The following TRPC4 variants were observed in gnomAD, a reference collection of about 807,000 sequenced individuals.
The protein encoded by TRPC4 is transient receptor potential cation channel subfamily C member 4.
In TRPC4, 49 loss-of-function variants were observed where a neutral mutation model predicts 99.4. The observed-to-expected ratio is 0.49, with a 90% CI of 0.39 to 0.63. The LOEUF (loss-of-function observed/expected upper bound fraction) is 0.63. Ranked by LOEUF, TRPC4 falls within the 20% of genes least tolerant of loss-of-function variation. The pLI is 0.00. For synonymous variants in TRPC4, 454 were observed against 425.9 expected (o/e 1.07, Z -0.81); for missense variants, 898 against 1,152.9 (o/e 0.78, Z 3.20).
Position 37,674,314 on chromosome 13 carries a change from T to C in TRPC4, c.1288A>G (p.Ile430Val). 6.2e-7 allele frequency: 1 copy of C among 1,608,750 alleles called. No individual in the cohort carries two copies. The highest frequency in any genetic ancestry group is 8.5e-7 in the Non-Finnish European group (1 of 1,178,578). The stretch of plus-strand genomic sequence containing the variant: ...TCCATTAGATTCCACCAATCATGGA[T>C]GTAGTCCTGAAGTCCGCCATCCCAC... ...QMWDGGLQDYIHDWWNLMDFV... is the reference protein window; with the variant it reads ...QMWDGGLQDYVHDWWNLMDFV... Residue 430 changes from isoleucine to valine, a missense_variant, in exon 5 of 11, where the codon ATC becomes GTC. Ile to Val is a conservative substitution (Grantham distance 29, BLOSUM62 3). This residue lies in a region of TRPC4 where 274 missense variants were observed against 454.9 expected (regional missense o/e 0.60). Transcript: ENST00000379705.
chr13:37,656,710 C>T (rs1015322848), intron 6 of TRPC4, among the ~76,000 whole-genome samples: 9 of 152,150 alleles, frequency 5.9e-5, no homozygotes, highest in African/African-American at 1.9e-4. Context: ...GAGTCAGAGT[C>T]ACTGGAATGA....
intron 1 of TRPC4, among the ~76,000 whole-genome samples, chr13:37,803,982 T>G (rs767724807): frequency 2.5e-4 from 38 of 152,226 alleles, no homozygotes; most frequent in Admixed American, 2.0e-4. Context: ...AGATTTAAGA[T>G]TTTCTACCTA....
chr13:37,821,365 A>C (rs1194287964), intron 1 of TRPC4, among the ~76,000 whole-genome samples: 1 of 152,176 alleles, frequency 6.6e-6, no homozygotes, highest in Admixed American at 6.6e-5. Context: ...GGAATAATCA[A>C]TATTGTTAAA....
intron 2 of TRPC4, among the ~76,000 whole-genome samples, chr13:37,763,771 A>G (rs1483328860): frequency 6.6e-6 from 1 of 151,766 alleles, no homozygotes; most frequent in African/African-American, 2.4e-5. Flanking sequence ...AAGTAACATC[A>G]CAAAGGATGA....
intron 1 of TRPC4, among the ~76,000 whole-genome samples, chr13:37,785,380 C>A (rs1274172991): frequency 6.6e-6 from 1 of 152,000 alleles, no homozygotes; most frequent in Non-Finnish European, 1.5e-5. Flanking sequence ...GACTGACATC[C>A]AAAAGTTTCA....
In TRPC4 at chr13:37,869,635, A is replaced by G. The variant is rs1169124622; in HGVS notation, c.-68T>C. ...CTTCGGGCTGAAGTGATGGGATCCG[A>G]GGACTGACGGCGCGGGTGCCGTGCG... On this transcript the variant is annotated 5_prime_UTR_variant, in exon 1 of 11. Coordinates refer to ENST00000379705, the MANE Select transcript of TRPC4 (RefSeq NM_016179.4). 1 of 152,408 alleles carries G rather than the reference A, an allele frequency of 6.6e-6. No homozygotes were observed. The highest frequency in any genetic ancestry group is 2.4e-5 in the African/African-American group (1 of 41,440). 9.4% of individuals were successfully genotyped at this position (152,408 alleles called of 1,614,324 possible).
intron 8 of TRPC4, among the ~76,000 whole-genome samples, chr13:37,649,574 A>G (rs905364095): frequency 2.6e-5 from 4 of 151,830 alleles, no homozygotes; most frequent in Non-Finnish European, 5.9e-5. Context: ...CTCTACTAAA[A>G]ATACAAAAAA....
intron 5 of TRPC4, among the ~76,000 whole-genome samples, chr13:37,670,395 C>T (rs993491219): frequency 1.5e-4 from 23 of 152,232 alleles, no homozygotes; most frequent in Admixed American, 8.5e-4. Context: ...CCAAAAGGAC[C>T]TATGAATGGA....
Position 37,657,415 on chromosome 13 carries a change from T to A in TRPC4, c.1689-2132A>T, listed in dbSNP as rs141823042. Among the ~76,000 whole-genome samples, 697 of 152,348 alleles carry A rather than the reference T, an allele frequency of 4.6e-3. 5 individuals carry two copies. Among genetic ancestry groups the A allele is most frequent in the African/African-American group, 0.016 (671 of 41,578 alleles). On this transcript the variant is annotated intron_variant, in intron 6 of 10. Coordinates refer to ENST00000379705, the MANE Select transcript of TRPC4 (RefSeq NM_016179.4). ...CTCAGGAAAAAGTAAATTTGGCCCA[T>A]GGCCATGAATTCTTTATTTTTAGTA...
intron 1 of TRPC4, among the ~76,000 whole-genome samples, chr13:37,793,694 G>T (rs1233498853): frequency 6.6e-6 from 1 of 152,038 alleles, no homozygotes; most frequent in African/African-American, 2.4e-5. Context: ...AAAAGTTATT[G>T]TGTGCCATGT....
At chr13:37,724,107 T>C (rs1179405855) in intron 3 of TRPC4, among the ~76,000 whole-genome samples, 1 of 152,106 alleles carries the variant, frequency 6.6e-6, no homozygotes, top group Non-Finnish European at 1.5e-5. Flanking sequence ...ATATATCACT[T>C]CAAAATAATA....
chr13:37,777,402 T>C (rs1404360026), intron 2 of TRPC4, among the ~76,000 whole-genome samples: 4 of 151,806 alleles, frequency 2.6e-5, no homozygotes, highest in Admixed American at 2.6e-4. Context: ...CTACACACTT[T>C]CAAACAACCA....
rs536020684 is a variant in TRPC4 at position 37,819,550 on chromosome 13, T to C, written c.-27-36190A>G. 1.2e-4 allele frequency among the ~76,000 whole-genome samples: 19 copies of C among 152,068 alleles called. No individual in the cohort carries two copies. In the East Asian group the frequency reaches 3.7e-3, roughly 29 times the overall value. On this transcript the variant is annotated intron_variant, in intron 1 of 10. Coordinates refer to ENST00000379705, the MANE Select transcript of TRPC4 (RefSeq NM_016179.4). ...ATGGATGGGGCTGGAGGCCATTATC[T>C]TTAGCAAACTAACGCAGGAACAGGA...
chr13:37,824,103 G>A (rs1958121129), intron 1 of TRPC4, among the ~76,000 whole-genome samples: 1 of 149,016 alleles, frequency 6.7e-6, no homozygotes, highest in East Asian at 2.0e-4. Context: ...GAATGCTTGT[G>A]ATTTTTGTAC....
At chr13:37,850,079 A>AGAGC (rs1959016374) in intron 1 of TRPC4, among the ~76,000 whole-genome samples, 1 of 152,234 alleles carries the variant, frequency 6.6e-6, no homozygotes, top group South Asian at 2.1e-4. Flanking sequence ...CCACATCTGC[A>AGAGC]GAGCATCTTT....
At chr13:37,741,693 C>T (rs893809440) in intron 3 of TRPC4, among the ~76,000 whole-genome samples, 3 of 152,238 alleles carry the variant, frequency 2.0e-5, no homozygotes, top group Non-Finnish European at 2.9e-5. Flanking sequence ...AAATGCAAGG[C>T]TTTCATTACG....
chr13:37,727,428 C>T (rs1269061751), intron 3 of TRPC4, among the ~76,000 whole-genome samples: 2 of 151,540 alleles, frequency 1.3e-5, no homozygotes, highest in Non-Finnish European at 2.9e-5. Context: ...GATAGCAGAG[C>T]TAAGGGGGAA....
At chr13:37,783,491 G>GGTT in intron 1 of TRPC4, 131 bp from the exon 2 acceptor site, 2 of 540,206 alleles carry the variant, frequency 3.7e-6, no homozygotes, top group Non-Finnish European at 2.7e-6. Context: ...AAGAGTTAAG[G>GGTT]TTTTTTTTTT....
intron 4 of TRPC4, among the ~76,000 whole-genome samples, chr13:37,680,346 C>T (rs376453994): frequency 2.8e-4 from 42 of 152,240 alleles, no homozygotes; most frequent in Middle Eastern, 3.4e-3. Context: ...AGCTAGTCTA[C>T]GTTAGGTGAT....
Sources: allele counts gnomAD v4.1 joint callset (sites outside exome capture counted in the v4.1 genomes callset), GRCh38; gene constraint gnomAD v4.1.1; regional missense constraint gnomAD v4.1.1; transcripts MANE v1.5; gene names NCBI Gene and HGNC (gene_info 2026-07-23, HGNC 2026-07-21).